Variants in DNAJB1 observed in about 807,000 individuals in gnomAD.
DNAJB1 encodes the protein DnaJ heat shock protein family (Hsp40) member B1.
DNAJB1 carries 14 observed loss-of-function variants against 24.0 expected under a neutral mutation model. The observed-to-expected ratio is 0.58, with a 90% confidence interval of 0.39 to 0.91. The LOEUF (loss-of-function observed/expected upper bound fraction) is 0.91, where lower values mean the gene tolerates loss of function less well. Among genes scored for constraint, DNAJB1 ranks in the 40% least tolerant of loss-of-function variants. The pLI is 0.00. For synonymous variants in DNAJB1, 262 were observed against 174.4 expected, an observed-to-expected ratio of 1.50 and a Z score of -3.96; for missense variants, 517 against 458.1, an observed-to-expected ratio of 1.13 and a Z score of -1.17.
Position 14,515,995 on chromosome 19 carries a change from G to T in DNAJB1, c.968C>A (p.Pro323His). ...TCTTGATGTCTGGGGAATCCTTTCG[G>T]GGAAGATCACTTCAAACTCAATAAT... ...DLIIEFEVIF[P>H]ERIPQTSRTV... Residue 323 changes from proline (P) to histidine (H), a missense_variant, in exon 3 of 3, where the codon CCC (proline) becomes CAC (histidine). By Grantham distance (77) the Pro-to-His change is moderately conservative. Transcript: ENST00000254322. 6.2e-7 allele frequency: 1 copy of T among 1,610,402 alleles called. No individual in the cohort carries two copies. Among genetic ancestry groups the T allele is most frequent in the Non-Finnish European group, 8.5e-7 (1 of 1,179,018 alleles).
Position 14,515,849 on chromosome 19 carries a change from C to G in DNAJB1, c.*91G>C. ...GTACGAAAGCCCTCCCTGGGCCCTC[C>G]CACCCTCTCATGGTCCACAACTGGT... On this transcript the variant is annotated 3_prime_UTR_variant, in exon 3 of 3. Coordinates refer to ENST00000254322, the MANE Select transcript of DNAJB1 (RefSeq NM_006145.3). 2.3e-6 allele frequency: 3 copies of G among 1,297,224 alleles called. No homozygotes were observed. The highest frequency in any genetic ancestry group is 3.3e-6 in the Non-Finnish European group (3 of 922,994). The allele number at this position is 1,297,224 out of a possible 1,614,324, so 80.4% of individuals were successfully genotyped here.
At chr19:14,517,289 G>A in intron 1 of DNAJB1, 1 of 505,092 alleles carries the variant, frequency 2.0e-6, no homozygotes, top group South Asian at 2.7e-5. Context: ...TTCACCTCCA[G>A]GTGCCACCTA....
rs1479570281 is a variant in DNAJB1, at chr19:14,549,476, C to T, written c.-214+732G>A. ...ACCTTGTGATCTGCCCTCCTTGGCC[C>T]CCTAACCCGGCTAAGTTTTTAAAAG... On this transcript the variant is annotated intron_variant, in intron 1 of 3. Transcript: ENST00000676982. Among the ~76,000 whole-genome samples the T allele has an allele frequency of 2.0e-5, 3 of 151,872 alleles. No homozygotes were observed. The East Asian group carries it at 5.8e-4, about 29-fold the overall frequency.
At chr19:14,543,300 GGGT>G (rs2073164714) in intron 1 of DNAJB1, among the ~76,000 whole-genome samples, 1 of 126,062 alleles carries the variant, frequency 7.9e-6, no homozygotes, top group South Asian at 2.4e-4. Context: ...GGTGGGGTGG[GGGT>G]GTGTGTGTGT....
chr19:14,542,280 T>C (rs2073119333), intron 1 of DNAJB1, among the ~76,000 whole-genome samples: 1 of 151,012 alleles, frequency 6.6e-6, no homozygotes, highest in South Asian at 2.1e-4. Flanking sequence ...CTACTGATTT[T>C]ACCTAAAAGA....
At position 14,515,977 on chromosome 19, in the gene DNAJB1, G is replaced by A. The variant is rs532564939; in HGVS notation, c.986C>T (p.Thr329Ile). The A allele has an allele frequency of 1.9e-6, 3 of 1,610,570 alleles. No homozygotes were observed. Among genetic ancestry groups the A allele is most frequent in the African/African-American group, 2.7e-5 (2 of 74,514 alleles). The change falls in exon 3 of 3, where the codon ACA (threonine) becomes ATA (isoleucine). Residue 329 changes from threonine (T) to isoleucine (I), a missense_variant. Thr to Ile is a moderately conservative substitution (Grantham distance 89). Coordinates refer to ENST00000254322, the MANE Select transcript of DNAJB1 (RefSeq NM_006145.3). The stretch of plus-strand genomic sequence containing the variant: ...AACCTGCTCAAGTACGGTTCTTGAT[G>A]TCTGGGGAATCCTTTCGGGGAAGAT... ...EVIFPERIPQ[T>I]SRTVLEQVLP...
intron 1 of DNAJB1, among the ~76,000 whole-genome samples, chr19:14,559,202 A>G (rs1047098292): frequency 2.1e-4 from 32 of 152,310 alleles, no homozygotes; most frequent in African/African-American, 7.7e-4. Flanking sequence ...TTCATGTAAC[A>G]TGAAACTAAC....
rs1257524260 is a variant in DNAJB1, at chr19:14,546,994, C to CT, written c.-214+3213dup. On this transcript the variant is annotated intron_variant, in intron 1 of 3. Transcript: ENST00000676982. ...ACAGGCATGAGCCACTGCACCCAGC[C>CT]TAAAAATTAAATTTCAATTTGATCA... Among the ~76,000 whole-genome samples, 3 of 152,092 alleles carry CT rather than the reference C, an allele frequency of 2.0e-5. No individual in the cohort carries two copies. The South Asian group carries it at 6.2e-4, about 31-fold the overall frequency.
chr19:14,555,882 A>G (rs1289454637), intron 1 of DNAJB1, among the ~76,000 whole-genome samples: 1 of 152,134 alleles, frequency 6.6e-6, no homozygotes, highest in Non-Finnish European at 1.5e-5. Context: ...CACTGCGCCC[A>G]GCCCACTTTT....
rs1464662129 is a variant in DNAJB1, at chr19:14,516,588, C to T, written c.670G>A (p.Gly224Arg). ...EGTKITFPKE[G>R]DQTSNNIPAD... ...GGAATGTTGTTGGAGGTCTGGTCTC[C>T]TTCCTTGGGGAAAGTGATTTTGGTT... Residue 224 changes from glycine (G) to arginine (R), a missense_variant, in exon 2 of 3, where the codon GGA (glycine) becomes AGA (arginine). By Grantham distance (125) the Gly-to-Arg change is moderately radical. Transcript: ENST00000254322. 1.2e-6 allele frequency: 2 copies of T among 1,614,088 alleles called. No individual in the cohort carries two copies. Among genetic ancestry groups the T allele is most frequent in the Admixed American group, 3.3e-5 (2 of 60,004 alleles).
rs2072250438 is a variant in DNAJB1, at chr19:14,515,971, C to T, written c.992G>A (p.Arg331Lys). Residue 331 changes from arginine (R) to lysine (K), a missense_variant, in exon 3 of 3, where the codon AGA becomes AAA. Coordinates refer to ENST00000254322, the MANE Select transcript of DNAJB1 (RefSeq NM_006145.3). ...IFPERIPQTSRTVLEQVLPI is the reference protein window; with the variant it reads ...IFPERIPQTSKTVLEQVLPI ...TGGAAGAACCTGCTCAAGTACGGTTCTTGATGTCTGGGGAATCCTTTCGGG... is the reference window on the plus strand; with the variant it reads ...TGGAAGAACCTGCTCAAGTACGGTTTTTGATGTCTGGGGAATCCTTTCGGG... The T allele has an allele frequency of 1.2e-6, 2 of 1,610,306 alleles. No homozygotes were observed. The highest frequency in any genetic ancestry group is 1.1e-5 in the South Asian group (1 of 90,856).
At chr19:14,533,262 A>C (rs1400832339), upstream of DNAJB1, among the ~76,000 whole-genome samples, 1 of 152,078 alleles carries the variant, frequency 6.6e-6, no homozygotes. Flanking sequence ...CTCTACAAAA[A>C]ATAAAAAATT....
intron 1 of DNAJB1, among the ~76,000 whole-genome samples, chr19:14,537,907 G>C (rs113188084): frequency 0.016 from 2,429 of 152,072 alleles, 48 homozygotes; most frequent in African/African-American, 0.052. Flanking sequence ...CACCACACTT[G>C]GCTAGTTTTT....
chr19:14,544,193 C>G (rs2073223835), intron 1 of DNAJB1, among the ~76,000 whole-genome samples: 2 of 151,950 alleles, frequency 1.3e-5, no homozygotes, highest in Non-Finnish European at 2.9e-5. Flanking sequence ...TCCGAGAAGC[C>G]TCTGCCCCTG....
At chr19:14,529,876 A>G (rs144615833), upstream of DNAJB1, 31 of 931,160 alleles carry the variant, frequency 3.3e-5, no homozygotes, top group Middle Eastern at 3.0e-4. Context: ...GTAAATTCCA[A>G]TGCGCATGTG....
rs547636832 is a variant in DNAJB1 at position 14,539,684 on chromosome 19, C to A, written c.-214+10524G>T. Among the ~76,000 whole-genome samples, 22 of 152,220 alleles carry A rather than the reference C, an allele frequency of 1.4e-4. 1 individual carries two copies. The South Asian group carries it at 4.1e-3, about 29-fold the overall frequency. Reference sequence around the variant, plus strand: ...ACCACGTTCCTGCCCTAAGCACATGCTATTCCCTCGGCCCTGGATGCCCTT... The same window carrying A: ...ACCACGTTCCTGCCCTAAGCACATGATATTCCCTCGGCCCTGGATGCCCTT... On this transcript the variant is annotated intron_variant, in intron 1 of 3. Transcript: ENST00000676982.
upstream of DNAJB1, among the ~76,000 whole-genome samples, chr19:14,554,217 GGAGAGATGTCTGGGAAGCT>G (rs1007389031): frequency 3.3e-5 from 5 of 152,218 alleles, no homozygotes; most frequent in African/African-American, 1.2e-4. Context: ...GGCTGCTGCA[GGAGAGATGTCTGGGAAGCT>G]GTGGCAGTTC....
intron 1 of DNAJB1, among the ~76,000 whole-genome samples, chr19:14,535,124 G>A (rs1176232102): frequency 1.3e-5 from 2 of 152,166 alleles, no homozygotes; most frequent in African/African-American, 4.8e-5. Flanking sequence ...TGTAATCCCA[G>A]CACGTTGGGA....
In DNAJB1 at chr19:14,517,435, GA is replaced by G. The variant is rs745813999; in HGVS notation, c.212-390del. On this transcript the variant is annotated intron_variant, in intron 1 of 2. Coordinates refer to ENST00000254322, the MANE Select transcript of DNAJB1 (RefSeq NM_006145.3). ...GGGCTAATGGTGCGTAGGAAGAGAA[GA>G]AAAAAAAAAACAAAAATAAATAGGG... 2.6e-3 allele frequency: 400 copies of G among 156,320 alleles called. 1 individual carries two copies. The highest frequency in any genetic ancestry group is 6.3e-3 in the African/African-American group (245 of 39,188). The allele number at this position is 156,320 out of a possible 1,614,324, so 9.7% of individuals were successfully genotyped here.
Sources: gnomAD v4.1 joint callset for allele counts (sites outside exome capture counted in the v4.1 genomes callset) on GRCh38, gnomAD v4.1.1 for gene constraint, MANE v1.5 for transcripts, NCBI Gene and HGNC (gene_info 2026-07-23, HGNC 2026-07-21) for gene names.